Variants in NBPF20 observed in about 807,000 individuals in gnomAD.
The protein encoded by NBPF20 is NBPF member 20.
In NBPF20, 90 loss-of-function variants were observed where a neutral mutation model predicts 68.1. The ratio of observed to expected loss-of-function variants is 1.32; its 90% confidence interval spans 1.11 to 1.58. The LOEUF (loss-of-function observed/expected upper bound fraction) is 1.58. NBPF20 is among the 40% of genes most tolerant of loss of function. The probability of loss-of-function intolerance (pLI) is 0.00; values close to 1 mark genes in which losing one functional copy is unlikely to be tolerated. For missense variants in NBPF20, 816 were observed against 601.2 expected, an observed-to-expected ratio of 1.36 and a Z score of -3.74; for synonymous variants, 290 against 228.1, an observed-to-expected ratio of 1.27 and a Z score of -2.45.
Position 145,398,852 on chromosome 1 carries a change from C to T in NBPF20, c.827+197G>A, listed in dbSNP as rs1662382216. ...CTAGTTCACCTGGCTCATCTGATGG[C>T]AAGTTCCTATCTTGAGAGGACTATG... On this transcript the variant is annotated intron_variant, in intron 7 of 137. Transcript: ENST00000369373. Among the ~76,000 whole-genome samples, 5 of 150,258 alleles carry T rather than the reference C, an allele frequency of 3.3e-5. No homozygotes were observed. The South Asian group carries it at 1.0e-3, about 31-fold the overall frequency.
chr1:145,402,426 T>G, intron 3 of NBPF20, 45 bp from the exon 9 acceptor site: 1 of 1,600,652 alleles, frequency 6.2e-7, no homozygotes, highest in Non-Finnish European at 8.5e-7. Flanking sequence ...AAAGGTTCAG[T>G]GATCCGCTCA....
intron 137 of NBPF20, among the ~76,000 whole-genome samples, chr1:145,292,167 T>A (rs1157712186): frequency 6.7e-6 from 1 of 149,926 alleles, no homozygotes; most frequent in Non-Finnish European, 1.5e-5. Context: ...AGTACAGCTT[T>A]TGAAGTATGG....
intron 136 of NBPF20, among the ~76,000 whole-genome samples, 190 bp from the exon 142 acceptor site, chr1:145,292,679 T>A (rs1455733547): frequency 1.4e-5 from 2 of 146,686 alleles, no homozygotes; most frequent in African/African-American, 5.4e-5. Flanking sequence ...CCAGAAACTG[T>A]GGGTAAAATG....
At chr1:145,422,109 A>AC in the NBPF20 span, among the ~76,000 whole-genome samples, 4 of 150,968 alleles carry the variant, frequency 2.6e-5, no homozygotes, top group Non-Finnish European at 5.9e-5. Flanking sequence ...ACATCATATC[A>AC]CGTCGGCCCT....
chr1:145,405,150 T>C lies in NBPF20; in HGVS notation c.123A>G (p.Arg41=), dbSNP rs184507148. 1.9e-5 allele frequency: 30 copies of C among 1,613,718 alleles called. No homozygotes were observed. In the Middle Eastern group the frequency reaches 8.6e-4, roughly 46 times the overall value. The change falls in exon 2 of 138, where the codon AGA becomes AGG. Residue 41 remains arginine, a synonymous_variant. Coordinates refer to ENST00000369373, the Ensembl canonical transcript of NBPF20. ...AGCCGGCCAGTTGAGTTACAAAACA[T>C]CTCTCTTTGAGGTTTCCGAACTGCT...
exon 10 of NBPF20, chr1:145,393,126 A>G: frequency 1.5e-6 from 1 of 676,668 alleles, no homozygotes; most frequent in Non-Finnish European, 2.5e-6. Context: ...CGTAAAAGGC[A>G]CTTCTGTAGG....
At position 145,394,962 on chromosome 1, in the gene NBPF20, A is replaced by G. The variant is rs1356800986; in HGVS notation, c.991+16T>C. On this transcript the variant is annotated intron_variant, in intron 8 of 137. Coordinates refer to ENST00000369373, the Ensembl canonical transcript of NBPF20. ...CATGAACTGGAGCTTTATCACCTTC[A>G]CAGTGTAGTACTCACTGCCTATGTC... is the stretch of plus-strand genomic sequence containing the variant. 3 of 1,611,998 alleles carry G rather than the reference A, an allele frequency of 1.9e-6. No homozygotes were observed. The highest frequency in any genetic ancestry group is 1.7e-5 in the Admixed American group (1 of 60,010).
intron 115 of NBPF20, among the ~76,000 whole-genome samples, chr1:145,309,518 G>A (rs1299735141): frequency 1.3e-5 from 1 of 74,230 alleles, no homozygotes; most frequent in African/African-American, 6.9e-5. Flanking sequence ...AACGAGCTCA[G>A]TGAATTATCC....
chr1:145,405,912 TTG>T (rs1166278524), upstream of NBPF20: 1 of 175,494 alleles, frequency 5.7e-6, no homozygotes, highest in African/African-American at 2.4e-5. Context: ...TTCTCTTGTT[TTG>T]ACTTTTTCTT....
upstream of NBPF20, among the ~76,000 whole-genome samples, chr1:145,408,411 TA>T (rs1302639421): frequency 8.6e-5 from 13 of 151,828 alleles, no homozygotes; most frequent in East Asian, 1.9e-4. Flanking sequence ...AAGATTCTAC[TA>T]AAAAAAATGA....
upstream of NBPF20, among the ~76,000 whole-genome samples, chr1:145,405,949 C>T (rs1326895631): frequency 2.0e-5 from 3 of 149,660 alleles, no homozygotes; most frequent in East Asian, 5.8e-4. Flanking sequence ...GACAGAGTCT[C>T]ACTCTGTCGC....
upstream of NBPF20, among the ~76,000 whole-genome samples, chr1:145,409,584 T>C (rs2749202): frequency 2.8e-5 from 4 of 145,110 alleles, no homozygotes; most frequent in African/African-American, 7.6e-5. Flanking sequence ...ACGAGTTTTA[T>C]TGGGGGTCTG....
At position 145,291,514 on chromosome 1, in the gene NBPF20, A is replaced by C. The variant is rs782115421; in HGVS notation, c.*12T>G. 3.1e-6 allele frequency: 5 copies of C among 1,612,038 alleles called. No homozygotes were observed. The South Asian group carries it at 3.3e-5, about 11-fold the overall frequency. ...CTGCAGGAATGACATCTCTCGGCTTAGTAAGGGCTGTTTATTGTGGGAATA... is the reference window on the plus strand; with the variant it reads ...CTGCAGGAATGACATCTCTCGGCTTCGTAAGGGCTGTTTATTGTGGGAATA... On this transcript the variant is annotated 3_prime_UTR_variant, in exon 138 of 138. Transcript: ENST00000369373.
intron 133 of NBPF20, chr1:145,295,234 C>G: frequency 1.8e-6 from 1 of 541,714 alleles, no homozygotes; most frequent in South Asian, 2.1e-5. Context: ...ATGAAGGGGT[C>G]AAAGGACACT....
chr1:145,393,101 G>C (rs1553662433), exon 10 of NBPF20: 2 of 710,572 alleles, frequency 2.8e-6, no homozygotes, highest in Non-Finnish European at 4.5e-6. Context: ...AAGCCAATAC[G>C]CTGTTGCTCC....
upstream of NBPF20, among the ~76,000 whole-genome samples, chr1:145,409,290 G>C (rs587639989): frequency 1.7e-3 from 256 of 150,626 alleles, no homozygotes; most frequent in African/African-American, 5.9e-3. Flanking sequence ...CTTATTATTG[G>C]ACATTTCTAT....
chr1:145,405,148 C>A, exon 2 of NBPF20: 1 of 1,613,748 alleles, frequency 6.2e-7, no homozygotes, highest in African/African-American at 1.3e-5. Flanking sequence ...AGTTACAAAA[C>A]ATCTCTCTTT....
rs1172338178 is a variant in NBPF20 at position 145,352,249 on chromosome 1, G to T, written c.7350-160C>A. Among the ~76,000 whole-genome samples, 22 of 61,982 alleles carry T rather than the reference G, an allele frequency of 3.5e-4. No homozygotes were observed. In the East Asian group the frequency reaches 9.2e-3, roughly 26 times the overall value. The allele number at this position is 61,982 out of a possible 152,430, so 40.7% of individuals were successfully genotyped here. ...ATTGCCTTCATGTTGGGACAGAACA[G>T]GGCCAAATGGAAAAGAATGAAAGAG... On this transcript the variant is annotated intron_variant, in intron 61 of 137. Transcript: ENST00000369373.
chr1:145,311,943 T>C (rs1661496028), intron 112 of NBPF20, among the ~76,000 whole-genome samples: 1 of 105,756 alleles, frequency 9.5e-6, no homozygotes, highest in African/African-American at 4.8e-5. Context: ...TGTGAATTTG[T>C]CACATCTGCC....
Sources: gnomAD v4.1 joint callset for allele counts (sites outside exome capture counted in the v4.1 genomes callset) on GRCh38, gnomAD v4.1.1 for gene constraint, MANE v1.5 for transcripts, NCBI Gene and HGNC (gene_info 2026-07-23, HGNC 2026-07-21) for gene names.